MFHAS1: variants seen among roughly 807,000 people sequenced by gnomAD.
MFHAS1 encodes malignant fibrous histiocytoma-amplified sequence 1.
In MFHAS1, 50 loss-of-function variants were observed where a neutral mutation model predicts 70.4. The ratio of observed to expected loss-of-function variants is 0.71; its 90% CI spans 0.57 to 0.90. The LOEUF (loss-of-function observed/expected upper bound fraction) is 0.90, where lower values mean the gene tolerates loss of function less well. Ranked by LOEUF, MFHAS1 falls within the 40% of genes least tolerant of loss-of-function variation. MFHAS1 has a pLI of 0.00. For missense variants in MFHAS1, 1,795 were observed against 1,347.6 expected (o/e 1.33, Z -5.20); for synonymous variants, 952 against 620.0 (o/e 1.54, Z -7.96).
intron 1 of MFHAS1, among the ~76,000 whole-genome samples, chr8:8,833,472 A>T (rs910726510): frequency 2.0e-5 from 3 of 152,046 alleles, no homozygotes; most frequent in Non-Finnish European, 4.4e-5. Flanking sequence ...CTACAAAAAA[A>T]TTAAAAATTA....
At chr8:8,868,181 G>A (rs957217552) in intron 1 of MFHAS1, among the ~76,000 whole-genome samples, 3 of 151,830 alleles carry the variant, frequency 2.0e-5, no homozygotes, top group African/African-American at 7.3e-5. Flanking sequence ...CTTGCTGCAA[G>A]GCCTCTGGAA....
chr8:8,853,508 T>G (rs1389703000), intron 1 of MFHAS1, among the ~76,000 whole-genome samples: 1 of 150,264 alleles, frequency 6.7e-6, no homozygotes, highest in African/African-American at 2.4e-5. Flanking sequence ...CAACTTAGAT[T>G]GCTAGTGCCT....
chr8:8,861,824 T>C lies in MFHAS1; in HGVS notation c.2998+28237A>G, dbSNP rs969392084. ...ACTTCATATAAATGGAGTCATACAATATGTACTCGACTGGCTTCTTTCACT... is the reference window on the plus strand; with the variant it reads ...ACTTCATATAAATGGAGTCATACAACATGTACTCGACTGGCTTCTTTCACT... On this transcript the variant is annotated intron_variant, in intron 1 of 2. Coordinates refer to ENST00000276282, the MANE Select transcript of MFHAS1 (RefSeq NM_004225.3). Among the ~76,000 whole-genome samples the C allele has an allele frequency of 5.9e-5, 9 of 152,306 alleles. No individual in the cohort carries two copies. The South Asian group carries it at 6.2e-4, about 11-fold the overall frequency.
At chr8:8,788,725 C>T (rs1474819805) in intron 2 of MFHAS1, among the ~76,000 whole-genome samples, 3 of 152,186 alleles carry the variant, frequency 2.0e-5, no homozygotes, top group African/African-American at 7.2e-5. Context: ...AACAGAGTGA[C>T]TGGTTACAGT....
intron 1 of MFHAS1, among the ~76,000 whole-genome samples, chr8:8,870,483 G>C (rs540294060): frequency 6.6e-6 from 1 of 152,020 alleles, no homozygotes; most frequent in African/African-American, 2.4e-5. Flanking sequence ...AACAAAAAAG[G>C]TTTAAAAAGA....
chr8:8,867,718 C>G (rs969259754), intron 1 of MFHAS1, among the ~76,000 whole-genome samples: 4 of 151,970 alleles, frequency 2.6e-5, no homozygotes, highest in Admixed American at 1.3e-4. Context: ...CCACCACACC[C>G]GGCTAATTTT....
intron 1 of MFHAS1, among the ~76,000 whole-genome samples, chr8:8,876,372 T>C (rs969636938): frequency 5.9e-5 from 9 of 152,152 alleles, no homozygotes; most frequent in African/African-American, 2.2e-4. Flanking sequence ...TGATTAAATG[T>C]AATTGAGGAA....
At chr8:8,801,374 G>A (rs1168640543) in intron 1 of MFHAS1, among the ~76,000 whole-genome samples, 1 of 152,216 alleles carries the variant, frequency 6.6e-6, no homozygotes, top group Non-Finnish European at 1.5e-5. Context: ...AACAGAGCAC[G>A]AAGGTGGAAG....
In MFHAS1 at chr8:8,891,044, T is replaced by G. The variant is rs201904921; in HGVS notation, c.2015A>C (p.Gln672Pro). Residue 672 changes from glutamine (Q) to proline (P), a missense_variant, in exon 1 of 3, where the codon CAG becomes CCG. Coordinates refer to ENST00000276282, the MANE Select transcript of MFHAS1 (RefSeq NM_004225.3). This position sits in a 1 kb window ranked among gnomAD's most constrained non-coding sequence, Gnocchi z 5.4. ...CCACAGTCGCTGGGCCTGAGGTGGCTGGAAATGCAGTTCCTCCAGCACCTG... is the reference window on the plus strand; with the variant it reads ...CCACAGTCGCTGGGCCTGAGGTGGCGGGAAATGCAGTTCCTCCAGCACCTG... ...SWQVLEELHF[Q>P]PPQAQRLWLS... 6.2e-7 allele frequency: 1 copy of G among 1,613,610 alleles called. No individual in the cohort carries two copies. The highest frequency in any genetic ancestry group is 2.2e-5 in the East Asian group (1 of 44,870).
At chr8:8,833,704 T>C (rs182009635) in intron 1 of MFHAS1, among the ~76,000 whole-genome samples, 35 of 152,282 alleles carry the variant, frequency 2.3e-4, no homozygotes, top group African/African-American at 5.5e-4. Context: ...GCAATTCTAA[T>C]CTTAGAGCAA....
intron 1 of MFHAS1, among the ~76,000 whole-genome samples, chr8:8,877,757 G>C (rs928738643): frequency 6.6e-6 from 1 of 152,154 alleles, no homozygotes; most frequent in Non-Finnish European, 1.5e-5. Context: ...AAGGTCTCAA[G>C]AGAGCCCAGC....
At chr8:8,887,504 A>C (rs1044622485) in intron 1 of MFHAS1, among the ~76,000 whole-genome samples, 3 of 151,298 alleles carry the variant, frequency 2.0e-5, no homozygotes, top group African/African-American at 7.3e-5. Context: ...AAAAAACAAA[A>C]AGACTATAAG....
chr8:8,801,385 G>A (rs1806079599), intron 1 of MFHAS1, among the ~76,000 whole-genome samples: 1 of 152,172 alleles, frequency 6.6e-6, no homozygotes, highest in Non-Finnish European at 1.5e-5. Flanking sequence ...AAGGTGGAAG[G>A]CACTGAGAAG....
intron 1 of MFHAS1, among the ~76,000 whole-genome samples, chr8:8,845,785 A>G (rs1186742807): frequency 6.6e-6 from 1 of 152,192 alleles, no homozygotes; most frequent in Non-Finnish European, 1.5e-5. Context: ...AATGGGTCCC[A>G]CACCCAATTT....
chr8:8,787,800 C>T (rs1203621325), intron 2 of MFHAS1, among the ~76,000 whole-genome samples: 1 of 152,224 alleles, frequency 6.6e-6, no homozygotes, highest in African/African-American at 2.4e-5. Flanking sequence ...AGACAGTCTG[C>T]TCCCCGGGCT....
intron 1 of MFHAS1, among the ~76,000 whole-genome samples, chr8:8,882,825 C>A (rs866195882): frequency 6.6e-6 from 1 of 152,112 alleles, no homozygotes; most frequent in Non-Finnish European, 1.5e-5. Flanking sequence ...GTAAACCTGA[C>A]AACCACCCCC....
chr8:8,848,071 C>G (rs1413284759), intron 1 of MFHAS1, among the ~76,000 whole-genome samples: 1 of 152,208 alleles, frequency 6.6e-6, no homozygotes, highest in Non-Finnish European at 1.5e-5. Context: ...TGGGTTGCAA[C>G]TGAACTGCTG....
rs531451304 is a variant in MFHAS1 at position 8,823,409 on chromosome 8, T to C, written c.2999-25918A>G. Among the ~76,000 whole-genome samples the C allele has an allele frequency of 3.9e-5, 6 of 152,262 alleles. No homozygotes were observed. The East Asian group carries it at 9.7e-4, about 25-fold the overall frequency. On this transcript the variant is annotated intron_variant, in intron 1 of 2. Coordinates refer to ENST00000276282, the MANE Select transcript of MFHAS1 (RefSeq NM_004225.3). ...ACGGGGCCCCGCGCTCCGATCCTGGTGCTGCGCTAACTCCCTGCAAGTTCC... is the reference window on the plus strand; with the variant it reads ...ACGGGGCCCCGCGCTCCGATCCTGGCGCTGCGCTAACTCCCTGCAAGTTCC...
chr8:8,789,101 A>T (rs1338133038), intron 2 of MFHAS1, among the ~76,000 whole-genome samples: 1 of 149,828 alleles, frequency 6.7e-6, no homozygotes, highest in African/African-American at 2.4e-5. Context: ...AGACTCAGTC[A>T]CAGGAACCTT....
Sources: allele counts gnomAD v4.1 joint callset (sites outside exome capture counted in the v4.1 genomes callset), GRCh38; gene constraint gnomAD v4.1.1; non-coding constraint Gnocchi (gnomAD v3.1); transcripts MANE v1.5; gene names NCBI Gene and HGNC (gene_info 2026-07-23, HGNC 2026-07-21).